Variants in WDR72 observed in about 807,000 individuals in gnomAD.
WDR72 encodes WD repeat-containing protein 72.
A neutral mutation model predicts 124.2 loss-of-function variants in WDR72; 120 were observed. The observed-to-expected ratio is 0.97, with a 90% CI of 0.83 to 1.12. WDR72 has a LOEUF of 1.12. Ranked by LOEUF, WDR72 falls within the 50% of genes most tolerant of loss-of-function variation. WDR72 has a pLI of 0.00. For missense variants in WDR72, 1,387 were observed against 1,278.8 expected, an observed-to-expected ratio of 1.08 and a Z score of -1.29; for synonymous variants, 452 against 441.7, an observed-to-expected ratio of 1.02 and a Z score of -0.29.
At chr15:53,566,578 T>C (rs944297343) in intron 18 of WDR72, among the ~76,000 whole-genome samples, 5 of 151,790 alleles carry the variant, frequency 3.3e-5, no homozygotes, top group African/African-American at 9.7e-5. Context: ...TTCACCAGTG[T>C]ACAGACACTA....
At position 53,523,462 on chromosome 15, in the gene WDR72, A is replaced by C. The variant is rs886225536; in HGVS notation, c.3149-140T>G. On this transcript the variant is annotated intron_variant, in intron 18 of 19. Coordinates refer to ENST00000360509, the MANE Select transcript of WDR72 (RefSeq NM_182758.4). ...ATGTAAACACAAATAATAAATTGAA[A>C]TAAAATGTATCCTCTAAGTATTTAT... 18 of 789,116 alleles carry C rather than the reference A, an allele frequency of 2.3e-5. No homozygotes were observed. In the Admixed American group the frequency reaches 3.1e-4, roughly 14 times the overall value. The allele number at this position is 789,116 out of a possible 1,614,324, so 48.9% of individuals were successfully genotyped here.
intron 1 of WDR72, among the ~76,000 whole-genome samples, chr15:53,744,376 A>G (rs1595886406): frequency 6.6e-6 from 1 of 152,248 alleles, no homozygotes; most frequent in South Asian, 2.1e-4. Flanking sequence ...AGCTCACAAA[A>G]CTATATCCAC....
At chr15:53,633,133 GT>G (rs2014494718) in intron 14 of WDR72, among the ~76,000 whole-genome samples, 1 of 152,164 alleles carries the variant, frequency 6.6e-6, no homozygotes, top group African/African-American at 2.4e-5. Flanking sequence ...ATGTTGAAAT[GT>G]AATCCCCAAT....
intron 14 of WDR72, among the ~76,000 whole-genome samples, chr15:53,639,525 T>TTTATAAAATTATATATAATTTTATTTAG (rs2014760749): frequency 6.8e-6 from 1 of 146,534 alleles, no homozygotes; most frequent in South Asian, 2.1e-4. Flanking sequence ...ATTTTATTTA[T>TTTATAAAATTATATATAATTTTATTTAG]TTATAAAATT....
intron 14 of WDR72, among the ~76,000 whole-genome samples, chr15:53,626,813 A>C (rs1394181614): frequency 6.6e-6 from 1 of 152,180 alleles, no homozygotes; most frequent in Non-Finnish European, 1.5e-5. Flanking sequence ...AGCTAGGCTT[A>C]GGGATTCTTA....
At chr15:53,723,179 T>C (rs1267945881) in intron 2 of WDR72, among the ~76,000 whole-genome samples, 1 of 151,190 alleles carries the variant, frequency 6.6e-6, no homozygotes, top group Non-Finnish European at 1.5e-5. Flanking sequence ...AGCTAGGTTG[T>C]GAATACAAAT....
intron 14 of WDR72, among the ~76,000 whole-genome samples, chr15:53,620,391 ATATT>A (rs1338289268): frequency 2.0e-5 from 3 of 151,134 alleles, no homozygotes; most frequent in African/African-American, 4.9e-5. Flanking sequence ...TATTTTGATC[ATATT>A]TATTTTTTAA....
chr15:53,668,962 AAGGAGGAGGAGGAGG>A, intron 13 of WDR72, among the ~76,000 whole-genome samples: 1 of 15,558 alleles, frequency 6.4e-5, no homozygotes, highest in Non-Finnish European at 2.4e-4. Flanking sequence ...GGAGGAGGAG[AAGGAGGAGGAGGAGG>A]AGAAGGAGAA....
chr15:53,516,820 A>C lies in WDR72; in HGVS notation c.*879T>G, dbSNP rs1017082996. 2.6e-5 allele frequency: 4 copies of C among 152,118 alleles called. No individual in the cohort carries two copies. Among genetic ancestry groups the C allele is most frequent in the African/African-American group, 9.6e-5 (4 of 41,460 alleles). The allele number at this position is 152,118 out of a possible 1,614,324, so 9.4% of individuals were successfully genotyped here. ...GTACAATATAAATCATAGTAAATAG[A>C]TCACCAAAGGCTTTAATAGAAGAGC... is the stretch of plus-strand genomic sequence containing the variant. On this transcript the variant is annotated 3_prime_UTR_variant, in exon 20 of 20. Transcript: ENST00000360509.
At chr15:53,709,535 T>G (rs545908862) in intron 9 of WDR72, among the ~76,000 whole-genome samples, 1 of 152,204 alleles carries the variant, frequency 6.6e-6, no homozygotes, top group East Asian at 1.9e-4. Context: ...CAACTGATCA[T>G]TGGCTTTCAG....
intron 13 of WDR72, among the ~76,000 whole-genome samples, chr15:53,681,434 A>G (rs1215141673): frequency 3.3e-5 from 5 of 152,132 alleles, no homozygotes; most frequent in Non-Finnish European, 5.9e-5. Flanking sequence ...TTCTTTTTCT[A>G]CTGTTGTAGG....
chr15:53,630,932 G>T (rs1181575082), intron 14 of WDR72, among the ~76,000 whole-genome samples: 1 of 152,114 alleles, frequency 6.6e-6, no homozygotes, highest in African/African-American at 2.4e-5. Context: ...TATATTTGCA[G>T]ATTACATAAT....
intron 18 of WDR72, among the ~76,000 whole-genome samples, chr15:53,538,008 T>C (rs1892850239): frequency 6.6e-6 from 1 of 152,146 alleles, no homozygotes; most frequent in African/African-American, 2.4e-5. Context: ...TCAAGAGTGC[T>C]GAATATGGAA....
intron 1 of WDR72, among the ~76,000 whole-genome samples, chr15:53,741,384 A>C (rs1295353484): frequency 6.6e-6 from 1 of 152,212 alleles, no homozygotes; most frequent in African/African-American, 2.4e-5. Flanking sequence ...ATCGATCTCG[A>C]ACAATCCAGA....
rs548066513 is a variant in WDR72 at position 53,677,053 on chromosome 15, TG to T, written c.1766-11286del. Among the ~76,000 whole-genome samples the T allele has an allele frequency of 2.0e-5, 3 of 151,674 alleles. No homozygotes were observed. In the South Asian group the frequency reaches 6.3e-4, roughly 32 times the overall value. Reference sequence around the variant, plus strand: ...CTCCTGCCTCAGCCTCCCAAGCAGCTGGGACTACAGGCACCCTCCCGCACGC... The same window carrying T: ...CTCCTGCCTCAGCCTCCCAAGCAGCTGGACTACAGGCACCCTCCCGCACGC... On this transcript the variant is annotated intron_variant, in intron 13 of 19. Transcript: ENST00000360509.
chr15:53,628,155 G>C (rs1032264761), intron 14 of WDR72, among the ~76,000 whole-genome samples: 2 of 152,024 alleles, frequency 1.3e-5, no homozygotes, highest in African/African-American at 2.4e-5. Flanking sequence ...TAGTTCCTAA[G>C]AAAACAAAGT....
intron 13 of WDR72, among the ~76,000 whole-genome samples, chr15:53,683,360 G>C (rs2016468917): frequency 6.6e-6 from 1 of 152,074 alleles, no homozygotes; most frequent in Admixed American, 6.6e-5. Flanking sequence ...CCAACACATA[G>C]AAATGATAAA....
intron 18 of WDR72, among the ~76,000 whole-genome samples, chr15:53,589,298 GAATTTCAGTTTGTATTC>G (rs1210971067): frequency 1.3e-5 from 2 of 151,466 alleles, no homozygotes; most frequent in Admixed American, 6.6e-5. Flanking sequence ...TTGTATTCAC[GAATTTCAGTTTGTATTC>G]AAGACTTTGT....
intron 13 of WDR72, chr15:53,684,295 G>T (rs28463373): frequency 0.038 from 5,884 of 156,798 alleles, 231 homozygotes; most frequent in African/African-American, 0.096. Context: ...CCATCTGAGG[G>T]ACCGGGTTCA....
Sources: gnomAD v4.1 joint callset for allele counts (sites outside exome capture counted in the v4.1 genomes callset) on GRCh38, gnomAD v4.1.1 for gene constraint, MANE v1.5 for transcripts, NCBI Gene and HGNC (gene_info 2026-07-23, HGNC 2026-07-21) for gene names.